Variants in AFF3 observed in about 807,000 individuals in gnomAD.
The protein encoded by AFF3 is AF4/FMR2 family member 3.
A neutral mutation model predicts 129.7 loss-of-function variants in AFF3; 32 were observed. That is an observed-to-expected ratio of 0.25 (90% confidence interval 0.19 to 0.33). The LOEUF (loss-of-function observed/expected upper bound fraction) is 0.33. Ranked by LOEUF, AFF3 falls within the 10% of genes least tolerant of loss-of-function variation. The pLI, the probability that AFF3 is intolerant of heterozygous loss-of-function variation, is 1.00. For synonymous variants in AFF3, 644 were observed against 635.4 expected, an observed-to-expected ratio of 1.01 and a Z score of -0.20; for missense variants, 1,373 against 1,592.0, an observed-to-expected ratio of 0.86 and a Z score of 2.34.
chr2:99,570,094 A>G (rs1306073459), intron 18 of AFF3, among the ~76,000 whole-genome samples: 1 of 152,182 alleles, frequency 6.6e-6, no homozygotes, highest in Non-Finnish European at 1.5e-5. Flanking sequence ...TGAGGGCTGG[A>G]GCCGTCCATT....
chr2:99,801,135 G>A (rs1558863553), intron 8 of AFF3, among the ~76,000 whole-genome samples: 1 of 152,158 alleles, frequency 6.6e-6, no homozygotes, highest in Non-Finnish European at 1.5e-5. Context: ...CAATTTACAT[G>A]TCGATTATAT....
chr2:99,731,733 A>G (rs988880085), intron 10 of AFF3, among the ~76,000 whole-genome samples: 1 of 152,254 alleles, frequency 6.6e-6, no homozygotes, highest in African/African-American at 2.4e-5. Context: ...AGAAGAAAGC[A>G]GCTTGAGTAG....
At chr2:99,749,816 C>A (rs1273981961) in intron 9 of AFF3, among the ~76,000 whole-genome samples, 1 of 152,120 alleles carries the variant, frequency 6.6e-6, no homozygotes, top group Non-Finnish European at 1.5e-5. Flanking sequence ...ACAATGAATT[C>A]TTGGGAAAGA....
At chr2:99,812,992 G>A (rs543770280) in intron 8 of AFF3, among the ~76,000 whole-genome samples, 176 of 151,950 alleles carry the variant, frequency 1.2e-3, no homozygotes, top group Non-Finnish European at 2.2e-3. Flanking sequence ...TCGCAGTGCA[G>A]GCATTTTATT....
chr2:100,064,460 T>C (rs1687559459), intron 4 of AFF3, among the ~76,000 whole-genome samples: 2 of 152,320 alleles, frequency 1.3e-5, no homozygotes, highest in African/African-American at 4.8e-5. Flanking sequence ...TTTCTGAAGT[T>C]CTCATTAACA....
intron 7 of AFF3, among the ~76,000 whole-genome samples, chr2:99,987,734 T>C (rs940848809): frequency 2.0e-5 from 3 of 152,212 alleles, no homozygotes; most frequent in Admixed American, 6.5e-5. Context: ...CCTGTGAGCC[T>C]ACTCTTCCAA....
chr2:99,859,529 T>C (rs891688914), intron 7 of AFF3, among the ~76,000 whole-genome samples: 3 of 152,202 alleles, frequency 2.0e-5, no homozygotes, highest in African/African-American at 7.2e-5. Flanking sequence ...ACTAACCAGA[T>C]CCTAAGCCAA....
At chr2:99,734,388 C>T (rs1280072661) in intron 10 of AFF3, among the ~76,000 whole-genome samples, 3 of 151,806 alleles carry the variant, frequency 2.0e-5, no homozygotes, top group African/African-American at 7.3e-5. Context: ...AATTTATTGC[C>T]TCGACCAAGG....
chr2:100,055,462 T>TAAAAAAAAAAA (rs55713850), intron 4 of AFF3, among the ~76,000 whole-genome samples: 2 of 128,492 alleles, frequency 1.6e-5, no homozygotes, highest in African/African-American at 5.9e-5. Flanking sequence ...CTAGAAATCT[T>TAAAAAAAAAAA]AAAAAAAAAA....
chr2:99,578,262 C>T lies in AFF3; in HGVS notation c.2918+65G>A, dbSNP rs920398126. On this transcript the variant is annotated intron_variant, in intron 18 of 24. Transcript: ENST00000672756. ...GTGGCCACACCAAGGTGCCCATGCC[C>T]CTTCCACCTGAGCAGCTTCTGTTCT... is the stretch of plus-strand genomic sequence containing the variant. 3.3e-6 allele frequency: 5 copies of T among 1,504,852 alleles called. No individual in the cohort carries two copies. The African/African-American group carries it at 5.7e-5, about 17-fold the overall frequency. 93.2% of individuals were successfully genotyped at this position (1,504,852 alleles called of 1,614,324 possible). A position where few individuals can be genotyped will look rare whatever the true frequency, so the allele number is the denominator to read the frequency against.
intron 9 of AFF3, among the ~76,000 whole-genome samples, chr2:99,746,745 T>C (rs1681191277): frequency 6.6e-6 from 1 of 152,210 alleles, no homozygotes; most frequent in African/African-American, 2.4e-5. Flanking sequence ...TGGTACGTTT[T>C]CCTTCTCTTC....
chr2:99,808,669 G>GA (rs925260654), intron 8 of AFF3, among the ~76,000 whole-genome samples: 58 of 148,910 alleles, frequency 3.9e-4, no homozygotes, highest in South Asian at 6.4e-4. Flanking sequence ...AAAAACAAAA[G>GA]AAAAAAAAAC....
At chr2:99,575,414 A>ATTTTTTTTTTTTTTTTTTTTTTTTTT (rs540441950) in intron 18 of AFF3, among the ~76,000 whole-genome samples, 1 of 127,472 alleles carries the variant, frequency 7.8e-6, no homozygotes. Context: ...TGCCTGGCTA[A>ATTTTTTTTTTTTTTTTTTTTTTTTTT]TTTTTTTTTT....
chr2:99,618,384 C>T (rs1681664122), intron 13 of AFF3, among the ~76,000 whole-genome samples: 1 of 151,680 alleles, frequency 6.6e-6, no homozygotes, highest in Non-Finnish European at 1.5e-5. Flanking sequence ...TACAGACACT[C>T]GCCATCATAC....
chr2:99,593,081 C>T (rs774840214), intron 15 of AFF3, 114 bp downstream of exon 15: 69 of 1,255,576 alleles, frequency 5.5e-5, no homozygotes, highest in Non-Finnish European at 7.1e-5. Context: ...AAAACTCCTG[C>T]GGCAGCCTAC....
chr2:100,010,576 C>A (rs913054881), intron 4 of AFF3, among the ~76,000 whole-genome samples: 1 of 152,158 alleles, frequency 6.6e-6, no homozygotes, highest in Non-Finnish European at 1.5e-5. Context: ...ATTTGGGAGT[C>A]CAACCAGTGA....
chr2:100,006,980 A>G lies in AFF3; in HGVS notation c.525T>C (p.Gly175=). 1 of 1,612,836 alleles carries G rather than the reference A, an allele frequency of 6.2e-7. No homozygotes were observed. Among genetic ancestry groups the G allele is most frequent in the South Asian group, 1.1e-5 (1 of 90,938 alleles). Residue 175 remains glycine (G), a synonymous_variant, in exon 7 of 25, where the codon GGT becomes GGC. Coordinates refer to ENST00000672756, the MANE Select transcript of AFF3 (RefSeq NM_001386135.1). ...TGGCCCGAGGCTGCTGTCTGCCAAC[A>G]CCATCTCCAAGCAAGGTCCTGAGAG... is the stretch of plus-strand genomic sequence containing the variant. ...QGSLRTLLGD[G]VGRQQPRAKQ...
At chr2:99,769,016 T>G (rs1037999977) in intron 8 of AFF3, among the ~76,000 whole-genome samples, 6 of 152,184 alleles carry the variant, frequency 3.9e-5, no homozygotes, top group Admixed American at 2.0e-4. Flanking sequence ...CTAACCTTCT[T>G]GTCCTTGGAT....
chr2:100,102,174 C>A (rs1690782245), intron 4 of AFF3, among the ~76,000 whole-genome samples: 1 of 151,488 alleles, frequency 6.6e-6, no homozygotes, highest in South Asian at 2.1e-4. Flanking sequence ...TTAAAAGTAA[C>A]CATAAACTTA....
Sources: allele counts gnomAD v4.1 joint callset (sites outside exome capture counted in the v4.1 genomes callset), GRCh38; gene constraint gnomAD v4.1.1; transcripts MANE v1.5; gene names NCBI Gene and HGNC (gene_info 2026-07-23, HGNC 2026-07-21).